The following GPC6 variants were observed in gnomAD, a reference collection of about 807,000 sequenced individuals.
The protein encoded by GPC6 is glypican-6.
GPC6 carries 14 observed loss-of-function variants against 55.2 expected under a neutral mutation model. The observed-to-expected ratio is 0.25, with a 90% CI of 0.17 to 0.40. The LOEUF is 0.40. Ranked by LOEUF, GPC6 falls within the 10% of genes least tolerant of loss-of-function variation. GPC6 has a pLI of 1.00. For synonymous variants in GPC6, 278 were observed against 259.6 expected (o/e 1.07, Z -0.68); for missense variants, 641 against 708.5 (o/e 0.90, Z 1.08).
At chr13:93,645,323 T>A (rs1045307840) in intron 2 of GPC6, among the ~76,000 whole-genome samples, 1 of 151,996 alleles carries the variant, frequency 6.6e-6, no homozygotes, top group Non-Finnish European at 1.5e-5. Context: ...AAACATGATT[T>A]AAGAATTTGC....
Position 93,945,658 on chromosome 13 carries a change from C to T in GPC6, c.712-82071C>T. On this transcript the variant is annotated intron_variant, in intron 3 of 8. Coordinates refer to ENST00000377047, the MANE Select transcript of GPC6 (RefSeq NM_005708.5). The stretch of plus-strand genomic sequence containing the variant: ...TTTGGGCTGATTGCTGCAGAGGTTG[C>T]AGTTTGACTTCCTGGACTGCATGTT... Among the ~76,000 whole-genome samples the T allele has an allele frequency of 1.3e-5, 2 of 152,184 alleles. 1 individual carries two copies.
At chr13:94,372,737 C>T (rs983351925) in intron 6 of GPC6, among the ~76,000 whole-genome samples, 1 of 152,222 alleles carries the variant, frequency 6.6e-6, no homozygotes, top group African/African-American at 2.4e-5. Context: ...CTGCCTGCCT[C>T]TGTAGGCTCC....
At chr13:93,890,445 G>T (rs1410019164) in intron 3 of GPC6, among the ~76,000 whole-genome samples, 1 of 152,022 alleles carries the variant, frequency 6.6e-6, no homozygotes, top group Admixed American at 6.6e-5. Flanking sequence ...CGATGGATGG[G>T]TGACTGGGTT....
intron 4 of GPC6, among the ~76,000 whole-genome samples, chr13:94,085,369 A>C (rs952082961): frequency 5.9e-5 from 9 of 151,636 alleles, no homozygotes; most frequent in African/African-American, 2.2e-4. Context: ...AAAAGAAAAG[A>C]AAAATAATTT....
chr13:94,227,476 TG>T (rs1890594857), intron 4 of GPC6, among the ~76,000 whole-genome samples: 1 of 152,226 alleles, frequency 6.6e-6, no homozygotes, highest in South Asian at 2.1e-4. Context: ...GACATTCACC[TG>T]GGTGCCAGGA....
At chr13:93,623,432 G>A (rs1291016906) in intron 2 of GPC6, among the ~76,000 whole-genome samples, 4 of 107,014 alleles carry the variant, frequency 3.7e-5, no homozygotes, top group East Asian at 4.4e-4. Context: ...CAGGACAATG[G>A]TTGTTTTCTT....
chr13:93,940,564 A>C (rs769374801), intron 3 of GPC6, among the ~76,000 whole-genome samples: 1 of 152,122 alleles, frequency 6.6e-6, no homozygotes, highest in African/African-American at 2.4e-5. Context: ...ACAAAAAAGG[A>C]GTGAGTGAAG....
chr13:93,650,817 TTGGA>T (rs1473772002), intron 2 of GPC6, among the ~76,000 whole-genome samples: 3 of 152,248 alleles, frequency 2.0e-5, no homozygotes, highest in African/African-American at 7.2e-5. Flanking sequence ...AAGTGCACCT[TTGGA>T]TGATTACATT....
At chr13:94,146,411 A>T (rs914814692) in intron 4 of GPC6, among the ~76,000 whole-genome samples, 5 of 152,192 alleles carry the variant, frequency 3.3e-5, no homozygotes, top group African/African-American at 1.2e-4. Flanking sequence ...CCTTGAGAAG[A>T]TAATTTACCT....
chr13:93,800,277 T>A (rs1455284144), intron 2 of GPC6, among the ~76,000 whole-genome samples: 1 of 152,248 alleles, frequency 6.6e-6, no homozygotes, highest in Non-Finnish European at 1.5e-5. Flanking sequence ...TACCATTTGA[T>A]ACATTTACTG....
intron 1 of GPC6, among the ~76,000 whole-genome samples, chr13:93,367,291 C>A (rs187093092): frequency 4.0e-5 from 6 of 151,886 alleles, no homozygotes; most frequent in African/African-American, 1.4e-4. Context: ...AAAAGAGAAG[C>A]AAGGAATATC....
intron 2 of GPC6, among the ~76,000 whole-genome samples, chr13:93,763,560 G>A (rs965115991): frequency 2.0e-5 from 3 of 152,160 alleles, no homozygotes; most frequent in African/African-American, 7.2e-5. Flanking sequence ...AAGAAATAAA[G>A]TAATCTATGT....
intron 4 of GPC6, among the ~76,000 whole-genome samples, chr13:94,207,709 T>C (rs1440198772): frequency 6.6e-6 from 1 of 152,146 alleles, no homozygotes; most frequent in Admixed American, 6.5e-5. Flanking sequence ...GGAATATACA[T>C]GATTGTGGGG....
At chr13:94,168,860 T>C (rs1888462049) in intron 4 of GPC6, among the ~76,000 whole-genome samples, 1 of 152,056 alleles carries the variant, frequency 6.6e-6, no homozygotes. Context: ...TCGTGGGCCC[T>C]GGGTGCTGTG....
At chr13:93,615,427 T>G (rs1013413922) in intron 2 of GPC6, among the ~76,000 whole-genome samples, 2 of 152,170 alleles carry the variant, frequency 1.3e-5, no homozygotes, top group African/African-American at 4.8e-5. Context: ...TATTACATTT[T>G]TAATAGATAT....
At position 93,461,661 on chromosome 13, in the gene GPC6, G is replaced by A. The variant is rs148768885; in HGVS notation, c.161-83602G>A. Among the ~76,000 whole-genome samples the A allele has an allele frequency of 7.6e-5, 9 of 118,164 alleles. No individual in the cohort carries two copies. In the East Asian group the frequency reaches 2.0e-3, roughly 26 times the overall value. 77.5% of individuals were successfully genotyped at this position (118,164 alleles called of 152,430 possible). A position where few individuals can be genotyped will look rare whatever the true frequency, so the allele number is the denominator to read the frequency against. On this transcript the variant is annotated intron_variant, in intron 1 of 8. Transcript: ENST00000377047. ...TTCATAGCTGAAGATACTAGGTCCC[G>A]GCGGGGGGGTTGGGGGGGGGTGTTG...
intron 3 of GPC6, among the ~76,000 whole-genome samples, chr13:93,999,461 G>A (rs7995746): frequency 0.32 from 49,320 of 151,922 alleles, 8,431 homozygotes; most frequent in African/African-American, 0.41. Flanking sequence ...CCAAGTCTTC[G>A]CTAGTGTGAA....
chr13:93,398,436 T>G (rs1157712955), intron 1 of GPC6, among the ~76,000 whole-genome samples: 1 of 152,162 alleles, frequency 6.6e-6, no homozygotes, highest in African/African-American at 2.4e-5. Context: ...AGAAATCAAT[T>G]GTGCAATATC....
At chr13:93,962,777 C>CT (rs1362392021) in intron 3 of GPC6, among the ~76,000 whole-genome samples, 2 of 152,168 alleles carry the variant, frequency 1.3e-5, no homozygotes, top group East Asian at 3.9e-4. Flanking sequence ...AATATGATCG[C>CT]TTTTTTGCTC....
Sources: gnomAD v4.1 joint callset for allele counts (sites outside exome capture counted in the v4.1 genomes callset) on GRCh38, gnomAD v4.1.1 for gene constraint, MANE v1.5 for transcripts, NCBI Gene and HGNC (gene_info 2026-07-23, HGNC 2026-07-21) for gene names.